Variants in FSTL5 observed in about 807,000 individuals in gnomAD.
FSTL5 encodes follistatin like 5, also known as follistatin-related protein 5.
FSTL5 carries 62 observed loss-of-function variants against 89.1 expected under a neutral mutation model. The observed-to-expected ratio is 0.70, with a 90% CI of 0.57 to 0.86. The LOEUF (loss-of-function observed/expected upper bound fraction) is 0.86, where lower values mean the gene tolerates loss of function less well. FSTL5 is among the 40% of genes least tolerant of loss of function. The pLI, the probability that FSTL5 is intolerant of heterozygous loss-of-function variation, is 0.00. For synonymous variants in FSTL5, 383 were observed against 346.2 expected, an observed-to-expected ratio of 1.11 and a Z score of -1.18; for missense variants, 1,057 against 1,001.6, an observed-to-expected ratio of 1.06 and a Z score of -0.75.
At position 162,086,512 on chromosome 4, in the gene FSTL5, G is replaced by A. The variant is rs576096236; in HGVS notation, c.126+24759C>T. ...CATAATGAATATGTCATGCACTACCGTTACTTTTTAATCATCAAAGCTTAC... is the reference window on the plus strand; with the variant it reads ...CATAATGAATATGTCATGCACTACCATTACTTTTTAATCATCAAAGCTTAC... On this transcript the variant is annotated intron_variant, in intron 2 of 15. Transcript: ENST00000306100. 1.8e-4 allele frequency among the ~76,000 whole-genome samples: 27 copies of A among 151,718 alleles called. No individual in the cohort carries two copies. In the East Asian group the frequency reaches 2.3e-3, roughly 13 times the overall value.
At chr4:161,827,186 G>A (rs867850681) in intron 4 of FSTL5, among the ~76,000 whole-genome samples, 20 of 152,128 alleles carry the variant, frequency 1.3e-4, no homozygotes, top group African/African-American at 3.9e-4. Context: ...CTAGGAATGC[G>A]GCTTCCTGAG....
chr4:161,995,039 T>C (rs1436073253), intron 3 of FSTL5, among the ~76,000 whole-genome samples: 1 of 152,192 alleles, frequency 6.6e-6, no homozygotes, highest in African/African-American at 2.4e-5. Flanking sequence ...AAGTCTTTAA[T>C]CCGTCTTGAG....
intron 6 of FSTL5, among the ~76,000 whole-genome samples, chr4:161,676,666 A>G (rs1165588387): frequency 1.3e-5 from 2 of 151,996 alleles, no homozygotes; most frequent in Non-Finnish European, 2.9e-5. Context: ...ATTTTTAAAA[A>G]ATAATAAAGT....
rs1267461748 is a variant in FSTL5, at chr4:161,587,557, A to T, written c.913T>A (p.Ser305Thr). ...GTGGTAACCTTAGTAATATACAAGG[A>T]CCCATCATCTCCAAAGTCCTATTAA... ...EDINDFGDDG[S>T]LYITKVTTTH... is the part of the protein sequence containing the mutation. Residue 305 changes from serine (S) to threonine (T), a missense_variant, in exon 8 of 16, where the codon TCC (serine) becomes ACC (threonine). Around this residue, in one of 3 missense-constraint regions of FSTL5, gnomAD observed 980 missense variants for 903.2 expected, o/e 1.08. Transcript: ENST00000306100. 1 of 1,607,232 alleles carries T rather than the reference A, an allele frequency of 6.2e-7. No individual in the cohort carries two copies. The highest frequency in any genetic ancestry group is 8.5e-7 in the Non-Finnish European group (1 of 1,175,240).
chr4:161,676,474 A>C (rs540824761), intron 6 of FSTL5, among the ~76,000 whole-genome samples: 41 of 152,026 alleles, frequency 2.7e-4, no homozygotes, highest in African/African-American at 9.6e-4. Flanking sequence ...GGACACAGGG[A>C]GGGGAACATC....
chr4:161,688,602 A>G (rs180729500), intron 6 of FSTL5, among the ~76,000 whole-genome samples: 30 of 152,342 alleles, frequency 2.0e-4, no homozygotes, highest in African/African-American at 6.0e-4. Flanking sequence ...ATATTTCACC[A>G]TATCTTTAAA....
At chr4:162,049,917 A>G (rs914506715) in intron 2 of FSTL5, among the ~76,000 whole-genome samples, 1 of 152,106 alleles carries the variant, frequency 6.6e-6, no homozygotes, top group African/African-American at 2.4e-5. Flanking sequence ...GATAGTTGAC[A>G]TAATGAATAT....
intron 8 of FSTL5, among the ~76,000 whole-genome samples, chr4:161,553,605 A>T (rs572829436): frequency 4.0e-5 from 6 of 151,412 alleles, no homozygotes; most frequent in Non-Finnish European, 7.4e-5. Flanking sequence ...GCATTGAAAA[A>T]AAAATACATT....
intron 4 of FSTL5, among the ~76,000 whole-genome samples, chr4:161,777,426 G>A (rs1031528165): frequency 1.3e-5 from 2 of 151,946 alleles, no homozygotes; most frequent in Non-Finnish European, 2.9e-5. Flanking sequence ...GGGATTGCCT[G>A]TAAACTGCTG....
intron 1 of FSTL5, among the ~76,000 whole-genome samples, chr4:162,123,842 T>A (rs903714182): frequency 6.6e-6 from 1 of 150,902 alleles, no homozygotes; most frequent in Admixed American, 6.6e-5. Context: ...GATTTTTTTT[T>A]AACTAAATTG....
chr4:161,403,108 C>T (rs1189667980), intron 15 of FSTL5, among the ~76,000 whole-genome samples: 3 of 152,230 alleles, frequency 2.0e-5, no homozygotes, highest in Non-Finnish European at 2.9e-5. Context: ...GGATTACAGG[C>T]GTGAGCCATG....
At chr4:161,840,676 T>C (rs1312503580) in intron 4 of FSTL5, among the ~76,000 whole-genome samples, 1 of 152,218 alleles carries the variant, frequency 6.6e-6, no homozygotes, top group Non-Finnish European at 1.5e-5. Flanking sequence ...TAATCTGTGA[T>C]ATCTGATAAA....
intron 3 of FSTL5, among the ~76,000 whole-genome samples, chr4:162,018,723 C>G (rs1736988904): frequency 6.6e-6 from 1 of 152,028 alleles, no homozygotes; most frequent in South Asian, 2.1e-4. Context: ...TGAGAAAACA[C>G]TGTGCCCTAA....
chr4:161,766,846 T>C (rs576113437), intron 5 of FSTL5, among the ~76,000 whole-genome samples: 2 of 152,174 alleles, frequency 1.3e-5, no homozygotes, highest in East Asian at 3.9e-4. Context: ...ATTAGAAATA[T>C]ACAGATATAA....
intron 6 of FSTL5, among the ~76,000 whole-genome samples, chr4:161,698,993 G>T (rs1738283211): frequency 6.6e-6 from 1 of 151,806 alleles, no homozygotes; most frequent in African/African-American, 2.4e-5. Flanking sequence ...GAAATAATTT[G>T]ATGAATAATT....
intron 4 of FSTL5, among the ~76,000 whole-genome samples, chr4:161,839,978 A>G (rs1196800435): frequency 1.3e-5 from 2 of 152,184 alleles, no homozygotes; most frequent in African/African-American, 4.8e-5. Context: ...TGAGTGACAG[A>G]TAGACGGTTA....
chr4:162,121,791 C>CG (rs1304564316), intron 1 of FSTL5, among the ~76,000 whole-genome samples: 1 of 152,028 alleles, frequency 6.6e-6, no homozygotes, highest in Non-Finnish European at 1.5e-5. Flanking sequence ...AAATTTTCTT[C>CG]TACCTCTGCT....
chr4:161,833,701 A>T (rs1020679543), intron 4 of FSTL5, among the ~76,000 whole-genome samples: 67 of 152,066 alleles, frequency 4.4e-4, no homozygotes, highest in African/African-American at 1.6e-3. Flanking sequence ...CTAGGATTGC[A>T]ACCCCTGCCT....
intron 4 of FSTL5, among the ~76,000 whole-genome samples, chr4:161,895,794 T>C (rs1733138116): frequency 6.6e-6 from 1 of 152,174 alleles, no homozygotes; most frequent in Non-Finnish European, 1.5e-5. Context: ...TATTTTTGCA[T>C]GTGTTAGTGA....
Sources: gnomAD v4.1 joint callset for allele counts (sites outside exome capture counted in the v4.1 genomes callset) on GRCh38, gnomAD v4.1.1 for gene constraint, gnomAD v4.1.1 regional missense constraint, MANE v1.5 for transcripts, NCBI Gene and HGNC (gene_info 2026-07-23, HGNC 2026-07-21) for gene names.